The following MYH7B variants were observed in gnomAD, a reference collection of about 807,000 sequenced individuals.
MYH7B encodes the protein myosin-7B.
Under a neutral mutation model 234.5 loss-of-function variants are expected in MYH7B, and 205 were observed. The observed-to-expected ratio is 0.87, with a 90% CI of 0.78 to 0.98. The LOEUF is 0.98. Ranked by LOEUF, MYH7B falls within the 50% of genes least tolerant of loss-of-function variation. The probability of loss-of-function intolerance (pLI) is 0.00; values close to 1 mark genes in which losing one functional copy is unlikely to be tolerated. For synonymous variants in MYH7B, 1,193 were observed against 1,105.0 expected, an observed-to-expected ratio of 1.08 and a Z score of -1.58; for missense variants, 2,652 against 2,633.4, an observed-to-expected ratio of 1.01 and a Z score of -0.15.
rs757063100 is a variant in MYH7B, at chr20:34,997,407, C to A, written c.3514C>A (p.Arg1172Ser). The A allele has an allele frequency of 2.7e-6, 4 of 1,478,478 alleles. No individual in the cohort carries two copies. The African/African-American group carries it at 4.5e-5, about 16-fold the overall frequency. The allele number at this position is 1,478,478 out of a possible 1,614,324, so 91.6% of individuals were successfully genotyped here. The change falls in exon 32 of 45, where the codon CGC (arginine) becomes AGC (serine). Residue 1172 changes from arginine (R) to serine (S), a missense_variant. Transcript: ENST00000262873. ...ATCCGCGGGGCAGCGCGAGGGCTGC[C>A]GCAAGCGGGAGGCGGAGCTGGGGAG...
At position 35,001,119 on chromosome 20, in the gene MYH7B, C is replaced by T. The variant is rs1452797712; in HGVS notation, c.5436C>T (p.Leu1812=). Reference sequence around the variant, plus strand: ...TTGAGGAGGCAGAACAGGCCGCCCTCCGTGGCGGGAAGAAGCAGGTGCAGA... The same window carrying T: ...TTGAGGAGGCAGAACAGGCCGCCCTTCGTGGCGGGAAGAAGCAGGTGCAGA... Residue 1812 remains leucine (L), a synonymous_variant, in exon 41 of 45, where the codon CTC becomes CTT. Coordinates refer to ENST00000262873, the Ensembl canonical transcript of MYH7B. 3.7e-6 allele frequency: 6 copies of T among 1,613,776 alleles called. No homozygotes were observed. In the South Asian group the frequency reaches 5.5e-5, roughly 15 times the overall value.
intron 13 of MYH7B, among the ~76,000 whole-genome samples, chr20:34,985,760 C>T (rs533490875): frequency 6.6e-6 from 1 of 152,166 alleles, no homozygotes; most frequent in East Asian, 1.9e-4. Flanking sequence ...CTGACCCCTA[C>T]ACAGACACAC....
chr20:34,978,074 G>A, exon 5 of MYH7B: 1 of 1,614,084 alleles, frequency 6.2e-7, no homozygotes, highest in Non-Finnish European at 8.5e-7. Flanking sequence ...AGATGACGAA[G>A]GTGCACACTA....
rs755846785 is a variant in MYH7B at position 34,985,052 on chromosome 20, C to CAAA, written c.742-14_742-13insAAA. ...GCTGTGCCCCTTGGCTGAGGGCTGC[C>CAAA]CCTCTGCCCACAGGGCAAGTTCATC... On this transcript the variant is annotated splice_polypyrimidine_tract_variant and intron_variant, in intron 12 of 44. Coordinates refer to ENST00000262873, the Ensembl canonical transcript of MYH7B. 1.9e-6 allele frequency: 3 copies of CAAA among 1,613,950 alleles called. No homozygotes were observed. The Admixed American group carries it at 5.0e-5, about 27-fold the overall frequency.
chr20:34,999,298 A>G (rs1351843121), exon 36 of MYH7B: 1 of 1,587,390 alleles, frequency 6.3e-7, no homozygotes, highest in Non-Finnish European at 8.6e-7. Context: ...GAGGCGGCAC[A>G]GAGGGAGTCC....
intron 7 of MYH7B, chr20:34,980,088 C>G: frequency 2.1e-6 from 1 of 481,962 alleles, no homozygotes. Context: ...GGAGGCCGTG[C>G]GTGTGGGCTG....
At chr20:34,992,993 G>T in intron 24 of MYH7B, 109 bp from the exon 25 acceptor site, 1 of 1,382,428 alleles carries the variant, frequency 7.2e-7, no homozygotes, top group South Asian at 1.4e-5. Context: ...GCCCAGGAAC[G>T]AGTCCCCTGC....
chr20:34,983,393 G>A (rs547500342), intron 10 of MYH7B, among the ~76,000 whole-genome samples: 2 of 132,720 alleles, frequency 1.5e-5, no homozygotes, highest in South Asian at 2.4e-4. Flanking sequence ...TGTTTTTGCT[G>A]TTGACTTTTT....
In MYH7B at chr20:34,993,149, A is replaced by C. The variant is rs547784579; in HGVS notation, c.2231A>C (p.Asp744Ala). The C allele has an allele frequency of 3.7e-6, 6 of 1,613,906 alleles. No homozygotes were observed. The East Asian group carries it at 1.3e-4, about 36-fold the overall frequency. The change falls in exon 25 of 45, where the codon GAC becomes GCC. Residue 744 changes from aspartate to alanine, a missense_variant. Physicochemically the swap from Asp to Ala is moderately radical, Grantham distance 126. Transcript: ENST00000262873. ...GCCATCCCGGATGACACCTTCATGG[A>C]CAGCAGGAAGGCCACAGAGAAACTG...
exon 35 of MYH7B, chr20:34,998,901 G>A (rs2082313625): frequency 1.2e-6 from 2 of 1,612,256 alleles, no homozygotes; most frequent in Admixed American, 1.7e-5. Context: ...GGACCGAGGA[G>A]CTGGAGGAGG....
exon 35 of MYH7B, chr20:34,998,902 C>T: frequency 2.5e-6 from 4 of 1,612,204 alleles, no homozygotes; most frequent in Non-Finnish European, 3.4e-6. Flanking sequence ...GACCGAGGAG[C>T]TGGAGGAGGC....
In MYH7B at chr20:34,996,718, G is replaced by A. The variant is rs774221345; in HGVS notation, c.3226G>A (p.Ala1076Thr). Residue 1076 changes from alanine to threonine, a missense_variant, in exon 30 of 45, where the codon GCT (alanine) becomes ACT (threonine). Physicochemically the swap from Ala to Thr is moderately conservative, Grantham distance 58 (BLOSUM62 0). Transcript: ENST00000262873. ...GCTGACGCAGGAGTCGGTGGCTGAT[G>A]CTGCTCAAGACAAGCAGCAGCTGGA... The A allele has an allele frequency of 2.2e-4, 361 of 1,613,530 alleles. 1 individual carries two copies. In the Middle Eastern group the frequency reaches 7.3e-3, roughly 32 times the overall value.
At chr20:34,987,170 T>G in exon 16 of MYH7B, 1 of 1,613,438 alleles carries the variant, frequency 6.2e-7, no homozygotes, top group Non-Finnish European at 8.5e-7. Flanking sequence ...CATCCTAGGC[T>G]TCAGCGTGGA....
At chr20:34,957,279 A>C (rs1363903839) in intron 1 of MYH7B, among the ~76,000 whole-genome samples, 1 of 152,150 alleles carries the variant, frequency 6.6e-6, no homozygotes, top group Non-Finnish European at 1.5e-5. Flanking sequence ...TGTGTTAGGC[A>C]CTGGTTACAG....
chr20:34,990,920 C>A (rs1293095608), intron 23 of MYH7B, 84 bp from the exon 24 acceptor site: 2 of 1,557,278 alleles, frequency 1.3e-6, no homozygotes, highest in Non-Finnish European at 1.8e-6. Context: ...TCCCCCTCAC[C>A]TCGCAGGGTC....
chr20:34,985,800 C>T (rs966423392), intron 13 of MYH7B, among the ~76,000 whole-genome samples: 10 of 152,118 alleles, frequency 6.6e-5, no homozygotes, highest in South Asian at 2.1e-4. Flanking sequence ...CGGCCACACA[C>T]GCACACACGC....
At chr20:34,978,767 T>G (rs759923807) in intron 5 of MYH7B, among the ~76,000 whole-genome samples, 35 of 152,162 alleles carry the variant, frequency 2.3e-4, no homozygotes, top group Non-Finnish European at 4.6e-4. Flanking sequence ...CACATCGTCA[T>G]TTTGTACTGG....
exon 23 of MYH7B, chr20:34,990,781 C>T (rs1300271590): frequency 1.9e-6 from 3 of 1,614,066 alleles, no homozygotes; most frequent in Non-Finnish European, 2.5e-6. Context: ...GCCACACAGC[C>T]CCACTTCGTC....
exon 19 of MYH7B, chr20:34,988,168 T>C (rs1470738273): frequency 6.2e-7 from 1 of 1,614,190 alleles, no homozygotes; most frequent in African/African-American, 1.3e-5. Flanking sequence ...CACATGTTTG[T>C]GCTGGAGCAG....
Sources: gnomAD v4.1 joint callset for allele counts (sites outside exome capture counted in the v4.1 genomes callset) on GRCh38, gnomAD v4.1.1 for gene constraint, MANE v1.5 for transcripts, NCBI Gene and HGNC (gene_info 2026-07-23, HGNC 2026-07-21) for gene names.